Variants in ANPEP observed in about 807,000 individuals in gnomAD.
The protein encoded by ANPEP is alanyl aminopeptidase, membrane, also known as aminopeptidase N.
A neutral mutation model predicts 114.6 loss-of-function variants in ANPEP; 70 were observed. That is an observed-to-expected ratio of 0.61 (90% CI 0.50 to 0.75). The LOEUF (loss-of-function observed/expected upper bound fraction) is 0.75, where lower values mean the gene tolerates loss of function less well. Among genes scored for constraint, ANPEP ranks in the 30% least tolerant of loss-of-function variants. ANPEP has a pLI of 0.00. For synonymous variants in ANPEP, 548 were observed against 522.3 expected (o/e 1.05, Z -0.67); for missense variants, 1,184 against 1,259.5 (o/e 0.94, Z 0.91).
At chr15:89,801,342 T>G (rs1253192903) in intron 11 of ANPEP, 93 bp downstream of exon 11, 7 of 1,559,854 alleles carry the variant, frequency 4.5e-6, no homozygotes, top group Non-Finnish European at 4.4e-6. Flanking sequence ...TGGCTGGGGC[T>G]GGGACCACAG....
intron 1 of ANPEP, among the ~76,000 whole-genome samples, chr15:89,809,284 G>T (rs1284247142): frequency 1.3e-5 from 2 of 152,244 alleles, no homozygotes; most frequent in African/African-American, 4.8e-5. Context: ...GACGGAGCCT[G>T]CAGCCCCCTC....
In ANPEP at chr15:89,805,393, T is replaced by A. The variant is rs749291581; in HGVS notation, c.685A>T (p.Met229Leu). The A allele has an allele frequency of 6.2e-7, 1 of 1,614,146 alleles. No homozygotes were observed. The highest frequency in any genetic ancestry group is 8.5e-7 in the Non-Finnish European group (1 of 1,180,008). ...KSFPCFDEPA[M>L]KAEFNITLIH... ...AGCGTGATGTTGAACTCGGCCTTCA[T>A]GGCCGGCTCATCGAAGCATGGGAAG... The change falls in exon 3 of 21, where the codon ATG (methionine) becomes TTG (leucine). Residue 229 changes from methionine (M) to leucine (L), a missense_variant. By Grantham distance (15) the Met-to-Leu change is conservative (BLOSUM62 2). Transcript: ENST00000300060.
chr15:89,809,326 G>A (rs527563571), intron 1 of ANPEP, among the ~76,000 whole-genome samples: 1 of 152,332 alleles, frequency 6.6e-6, no homozygotes, highest in East Asian at 1.9e-4. Flanking sequence ...CCACAAGTCG[G>A]CCTGGACTAA....
chr15:89,797,068 A>T (rs1008472014), intron 15 of ANPEP, among the ~76,000 whole-genome samples: 1 of 152,158 alleles, frequency 6.6e-6, no homozygotes, highest in African/African-American at 2.4e-5. Flanking sequence ...CTCAGCCTTA[A>T]GATACTCCAA....
chr15:89,789,147 T>G (rs891274338), intron 20 of ANPEP, among the ~76,000 whole-genome samples: 3 of 151,796 alleles, frequency 2.0e-5, no homozygotes, highest in African/African-American at 7.3e-5. Context: ...ACCCAGCTAA[T>G]TTTTGTATTT....
In ANPEP at chr15:89,801,167, A is replaced by T; in HGVS notation, c.1763T>A (p.Ile588Asn). 6.2e-7 allele frequency: 1 copy of T among 1,614,112 alleles called. No homozygotes were observed. The highest frequency in any genetic ancestry group is 8.5e-7 in the Non-Finnish European group (1 of 1,180,012). ...SEFNYVWIVP[I>N]TSIRDGRQQQ... is the part of the protein sequence containing the mutation. Reference sequence around the variant, plus strand: ...CTGTCTGCCATCTCTGATGGATGTGATGGGCACAATCCACACGTAGCTGCA... The same window carrying T: ...CTGTCTGCCATCTCTGATGGATGTGTTGGGCACAATCCACACGTAGCTGCA... The change falls in exon 12 of 21, where the codon ATC becomes AAC. Residue 588 changes from isoleucine to asparagine, a missense_variant. By Grantham distance (149) the Ile-to-Asn change is moderately radical. Coordinates refer to ENST00000300060, the MANE Select transcript of ANPEP (RefSeq NM_001150.3).
intron 4 of ANPEP, 77 bp downstream of exon 4, chr15:89,805,001 A>G: frequency 6.3e-7 from 1 of 1,588,240 alleles, no homozygotes; most frequent in Non-Finnish European, 8.6e-7. Flanking sequence ...AGAAACTGGC[A>G]CAGGGATGAA....
intron 2 of ANPEP, 28 bp downstream of exon 2, chr15:89,805,942 C>G (rs763524427): frequency 2.8e-5 from 44 of 1,562,574 alleles, no homozygotes; most frequent in Non-Finnish European, 3.7e-5. Flanking sequence ...TCGGATCCAC[C>G]CCACCGGGCA....
intron 1 of ANPEP, among the ~76,000 whole-genome samples, chr15:89,812,598 T>C: frequency 6.6e-6 from 1 of 151,860 alleles, no homozygotes. Flanking sequence ...ACACATAGGG[T>C]TTGTGTGGGG....
chr15:89,812,899 A>T (rs1231547398), intron 1 of ANPEP, among the ~76,000 whole-genome samples: 1 of 152,154 alleles, frequency 6.6e-6, no homozygotes, highest in Non-Finnish European at 1.5e-5. Flanking sequence ...CCACAGGAGA[A>T]GACACGCACC....
Position 89,804,591 on chromosome 15 carries a change from G to A in ANPEP, c.924C>T (p.Ala308=). ...CATAATCGCCGTGGCCCGCCGCAATGGCACTGGGCCGGGCCCAGATCCGGA... is the reference window on the plus strand; with the variant it reads ...CATAATCGCCGTGGCCCGCCGCAATAGCACTGGGCCGGGCCCAGATCCGGA... ...VLIRIWARPS[A]IAAGHGDYAL... is the part of the protein sequence containing the mutation. The change falls in exon 5 of 21, where the codon GCC becomes GCT. Residue 308 remains alanine (A), a synonymous_variant. Coordinates refer to ENST00000300060, the MANE Select transcript of ANPEP (RefSeq NM_001150.3). 1 of 1,614,038 alleles carries A rather than the reference G, an allele frequency of 6.2e-7. No individual in the cohort carries two copies.
chr15:89,797,113 G>C (rs969566291), intron 15 of ANPEP, among the ~76,000 whole-genome samples: 2 of 152,162 alleles, frequency 1.3e-5, no homozygotes, highest in African/African-American at 4.8e-5. Flanking sequence ...CATAGCGCAG[G>C]TGGGCTGGCC....
chr15:89,792,205 A>G lies in ANPEP; in HGVS notation c.2483T>C (p.Leu828Pro). Residue 828 changes from leucine (L) to proline (P), a missense_variant, in exon 18 of 21, where the codon CTC (leucine) becomes CCC (proline). Leu to Pro is a moderately conservative substitution (Grantham distance 98). Coordinates refer to ENST00000300060, the MANE Select transcript of ANPEP (RefSeq NM_001150.3). Reference protein sequence around the residue: ...NATLVNEADKLRAALACSKEL... With the variant: ...NATLVNEADKPRAALACSKEL... ...TTTGCTGCAGGCCAGGGCTGCCCGGAGCTTGTCAGCCTCATTGACCAGTGT... is the reference window on the plus strand; with the variant it reads ...TTTGCTGCAGGCCAGGGCTGCCCGGGGCTTGTCAGCCTCATTGACCAGTGT... 6.2e-7 allele frequency: 1 copy of G among 1,614,138 alleles called. No individual in the cohort carries two copies. The highest frequency in any genetic ancestry group is 8.5e-7 in the Non-Finnish European group (1 of 1,180,014).
chr15:89,791,183 C>T (rs936732315), intron 18 of ANPEP, 90 bp from the exon 19 acceptor site: 26 of 1,460,640 alleles, frequency 1.8e-5, no homozygotes, highest in South Asian at 1.7e-4. Flanking sequence ...CCTATGCCTG[C>T]ATCCTCTCAA....
At chr15:89,796,768 T>G (rs548902475) in intron 15 of ANPEP, among the ~76,000 whole-genome samples, 1 of 152,258 alleles carries the variant, frequency 6.6e-6, no homozygotes, top group Non-Finnish European at 1.5e-5. Flanking sequence ...GTGCTGGGAT[T>G]ACAGGCATGA....
chr15:89,803,686 G>A lies in ANPEP; in HGVS notation c.1398C>T (p.Ala466=). Residue 466 remains alanine (A), a synonymous_variant, in exon 8 of 21, where the codon GCC becomes GCT. Coordinates refer to ENST00000300060, the MANE Select transcript of ANPEP (RefSeq NM_001150.3). The surrounding 1 kb of genome is among the most constrained non-coding windows in gnomAD (Gnocchi z 4.2). ...STPASEINTP[A]QISELFDAIS... ...TGGCGTCAAACAGCTCACTGATCTG[G>A]GCCGGCGTGTTGATCTCCGAGGCGG... is the stretch of plus-strand genomic sequence containing the variant. The A allele has an allele frequency of 1.2e-6, 2 of 1,613,332 alleles. No individual in the cohort carries two copies. Among genetic ancestry groups the A allele is most frequent in the Non-Finnish European group, 1.7e-6 (2 of 1,179,702 alleles).
chr15:89,792,620 T>C, intron 16 of ANPEP, 58 bp from the exon 17 acceptor site: 1 of 1,473,434 alleles, frequency 6.8e-7, no homozygotes, highest in Non-Finnish European at 9.5e-7. Context: ...AAGATTCACC[T>C]CTTGACACAC....
At chr15:89,804,196 C>T in intron 6 of ANPEP, 57 bp downstream of exon 6, 1 of 1,604,944 alleles carries the variant, frequency 6.2e-7, no homozygotes, top group Non-Finnish European at 8.5e-7. Flanking sequence ...TGGACTTGCG[C>T]CGTCTCCTCT....
intron 20 of ANPEP, among the ~76,000 whole-genome samples, chr15:89,788,637 G>A (rs1968555408): frequency 6.6e-6 from 1 of 152,070 alleles, no homozygotes; most frequent in South Asian, 2.1e-4. Flanking sequence ...GTCTTGCTCT[G>A]TCACCCAGGC....
Sources: allele counts gnomAD v4.1 joint callset (sites outside exome capture counted in the v4.1 genomes callset), GRCh38; gene constraint gnomAD v4.1.1; non-coding constraint Gnocchi (gnomAD v3.1); transcripts MANE v1.5; gene names NCBI Gene and HGNC (gene_info 2026-07-23, HGNC 2026-07-21).